CARHSP1: variants seen among roughly 807,000 people sequenced by gnomAD.
The protein encoded by CARHSP1 is calcium-regulated heat-stable protein 1.
CARHSP1 carries 14 observed loss-of-function variants against 12.5 expected under a neutral mutation model. The observed-to-expected ratio is 1.12, with a 90% CI of 0.74 to 1.75. CARHSP1 has a LOEUF of 1.75. Ranked by LOEUF, CARHSP1 falls within the 40% of genes most tolerant of loss-of-function variation. CARHSP1 has a pLI of 0.00. For synonymous variants in CARHSP1, 161 were observed against 82.0 expected, an observed-to-expected ratio of 1.96 and a Z score of -5.20; for missense variants, 343 against 201.6, an observed-to-expected ratio of 1.70 and a Z score of -4.25.
At chr16:8,858,062 A>T (rs2061205670) in intron 3 of CARHSP1, 3 of 405,196 alleles carry the variant, frequency 7.4e-6, no homozygotes, top group Non-Finnish European at 1.4e-5. Flanking sequence ...CACGCCCAGC[A>T]CACACAAAAC....
intron 1 of CARHSP1, chr16:8,860,634 G>A (rs1190836342): frequency 1.5e-5 from 5 of 344,546 alleles, no homozygotes; most frequent in Non-Finnish European, 1.9e-5. Context: ...GGTGATGGGG[G>A]TACGAGATGA....
chr16:8,863,867 C>G (rs2061411387), intron 1 of CARHSP1, among the ~76,000 whole-genome samples: 1 of 152,206 alleles, frequency 6.6e-6, no homozygotes, highest in Admixed American at 6.5e-5. Flanking sequence ...GATGGGGCCA[C>G]ACAGCAGCCC....
intron 3 of CARHSP1, among the ~76,000 whole-genome samples, chr16:8,857,046 C>T (rs947109090): frequency 1.3e-5 from 2 of 152,132 alleles, no homozygotes; most frequent in Admixed American, 6.5e-5. Context: ...CAAAGGAGGG[C>T]AGGAAGCTGG....
intron 1 of CARHSP1, chr16:8,860,289 C>T (rs1456065087): frequency 1.0e-6 from 1 of 983,314 alleles, no homozygotes; most frequent in Non-Finnish European, 1.2e-6. Context: ...AGTGAATTTC[C>T]ACACAGCCCG....
At chr16:8,865,475 A>G (rs916549695) in intron 1 of CARHSP1, among the ~76,000 whole-genome samples, 1 of 152,214 alleles carries the variant, frequency 6.6e-6, no homozygotes, top group Non-Finnish European at 1.5e-5. Context: ...GCAGGGGGAT[A>G]AGAGTTCAAG....
intron 1 of CARHSP1, among the ~76,000 whole-genome samples, chr16:8,866,854 G>A (rs954540114): frequency 6.6e-6 from 1 of 152,132 alleles, no homozygotes. Context: ...GGCAGGGAAG[G>A]TGCAGCCCGG....
At chr16:8,858,798 C>T in intron 2 of CARHSP1, 5 of 420,796 alleles carry the variant, frequency 1.2e-5, no homozygotes, top group Non-Finnish European at 2.1e-5. Context: ...ACTCGCAAGG[C>T]CTGAGACCTG....
intron 1 of CARHSP1, among the ~76,000 whole-genome samples, chr16:8,865,459 T>C (rs1238362910): frequency 1.3e-5 from 2 of 152,194 alleles, no homozygotes; most frequent in East Asian, 1.9e-4. Context: ...GACAGGATGA[T>C]AGAAGGCAGG....
intron 1 of CARHSP1, among the ~76,000 whole-genome samples, chr16:8,859,543 A>AGCTCTTC (rs1331369894): frequency 6.6e-6 from 1 of 151,776 alleles, no homozygotes; most frequent in East Asian, 2.0e-4. Context: ...CCTCGATCAT[A>AGCTCTTC]GCTCTTCATG....
intron 1 of CARHSP1, chr16:8,860,174 C>G (rs1035934244): frequency 3.0e-6 from 3 of 985,358 alleles, no homozygotes; most frequent in South Asian, 4.7e-5. Context: ...ACGTTTGGAT[C>G]CCTGAGCAGC....
rs1233114598 is a variant in CARHSP1 at position 8,853,577 on chromosome 16, T to A, written c.*1587A>T. ...GAGGAGTACCTACCTGATGAAGCTG[T>A]TCATGCTTCCAGCATCAAACTGGAC... On this transcript the variant is annotated 3_prime_UTR_variant, in exon 4 of 4. Coordinates refer to ENST00000311052, the MANE Select transcript of CARHSP1 (RefSeq NM_014316.4). 3 of 152,230 alleles carry A rather than the reference T, an allele frequency of 2.0e-5. No individual in the cohort carries two copies. Among genetic ancestry groups the A allele is most frequent in the Non-Finnish European group, 2.9e-5 (2 of 68,046 alleles). 9.4% of individuals were successfully genotyped at this position (152,230 alleles called of 1,614,324 possible).
Position 8,858,432 on chromosome 16 carries a change from A to G in CARHSP1, c.199T>C (p.Cys67Arg), listed in dbSNP as rs773515360. ...CCCTTGGACCGGCAGAAGCATTTGC[A>G]GACTCCTTTGTAGACGGGGCCCTGT... ...ASQGPVYKGV[C>R]KCFCRSKGHG... The change falls in exon 3 of 4, where the codon TGC (cysteine) becomes CGC (arginine). Residue 67 changes from cysteine (C) to arginine (R), a missense_variant. Cys to Arg is a radical substitution (Grantham distance 180). Transcript: ENST00000311052. 2.5e-6 allele frequency: 4 copies of G among 1,613,958 alleles called. No homozygotes were observed. Among genetic ancestry groups the G allele is most frequent in the Non-Finnish European group, 3.4e-6 (4 of 1,180,026 alleles).
At position 8,853,509 on chromosome 16, in the gene CARHSP1, C is replaced by T. The variant is rs967437827; in HGVS notation, c.*1655G>A. On this transcript the variant is annotated 3_prime_UTR_variant, in exon 4 of 4. Transcript: ENST00000311052. ...GCGTATTTGCTATTCTCAAACAACTCCCTTCCACCCCCTTAGGCTGAAAGG... is the reference window on the plus strand; with the variant it reads ...GCGTATTTGCTATTCTCAAACAACTTCCTTCCACCCCCTTAGGCTGAAAGG... 3 of 152,172 alleles carry T rather than the reference C, an allele frequency of 2.0e-5. No individual in the cohort carries two copies. The highest frequency in any genetic ancestry group is 1.5e-5 in the Non-Finnish European group (1 of 68,040). 9.4% of individuals were successfully genotyped at this position (152,172 alleles called of 1,614,324 possible).
rs1229523025 is a variant in CARHSP1, at chr16:8,854,732, C to T, written c.*432G>A. On this transcript the variant is annotated 3_prime_UTR_variant, in exon 4 of 4. Coordinates refer to ENST00000311052, the MANE Select transcript of CARHSP1 (RefSeq NM_014316.4). The stretch of plus-strand genomic sequence containing the variant: ...AGGTGGAAATTTGCCTTGGAGAAGT[C>T]ACGCAAGGTCCCTGTCAGGCTGCCA... 6.4e-6 allele frequency: 1 copy of T among 155,288 alleles called. No homozygotes were observed. The highest frequency in any genetic ancestry group is 1.4e-5 in the Non-Finnish European group (1 of 69,974). 9.6% of individuals were successfully genotyped at this position (155,288 alleles called of 1,614,324 possible).
chr16:8,866,689 C>CAG (rs1363018540), intron 1 of CARHSP1, among the ~76,000 whole-genome samples: 1 of 129,840 alleles, frequency 7.7e-6, no homozygotes, highest in Non-Finnish European at 1.6e-5. Flanking sequence ...GAGGGAGGAG[C>CAG]AGAGAGAGAG....
chr16:8,855,110 T>G lies in CARHSP1; in HGVS notation c.*54A>C, dbSNP rs773740680. ...AATGTCATCTCCAGTGTCTGCTGCCTCCTCCCTGCAAAGTCTCCCACAAGC... is the reference window on the plus strand; with the variant it reads ...AATGTCATCTCCAGTGTCTGCTGCCGCCTCCCTGCAAAGTCTCCCACAAGC... On this transcript the variant is annotated 3_prime_UTR_variant, in exon 4 of 4. Transcript: ENST00000311052. 31 of 1,414,578 alleles carry G rather than the reference T, an allele frequency of 2.2e-5. No individual in the cohort carries two copies. Among genetic ancestry groups the G allele is most frequent in the Non-Finnish European group, 2.4e-5 (26 of 1,061,262 alleles). 87.6% of individuals were successfully genotyped at this position (1,414,578 alleles called of 1,614,324 possible). A position where few individuals can be genotyped will look rare whatever the true frequency, so the allele number is the denominator to read the frequency against.
rs769556543 is a variant in CARHSP1, at chr16:8,861,753, G to A, written c.-7-2418C>T. 16 of 1,284,148 alleles carry A rather than the reference G, an allele frequency of 1.2e-5. No individual in the cohort carries two copies. The South Asian group carries it at 2.0e-4, about 16-fold the overall frequency. 79.5% of individuals were successfully genotyped at this position (1,284,148 alleles called of 1,614,324 possible). On this transcript the variant is annotated intron_variant, in intron 1 of 3. Transcript: ENST00000311052. ...CCACCTCAAAAAGGCCCCAGCTGCT[G>A]GCCTGGGGGCCAGGGCCCCCGCATG...
At chr16:8,861,083 CAG>C (rs2061338839) in intron 1 of CARHSP1, among the ~76,000 whole-genome samples, 1 of 144,288 alleles carries the variant, frequency 6.9e-6, no homozygotes, top group Non-Finnish European at 1.5e-5. Context: ...TTTTTTGAGA[CAG>C]TGTCTCACTG....
chr16:8,864,096 C>T (rs1035279882), intron 1 of CARHSP1, among the ~76,000 whole-genome samples: 1 of 152,246 alleles, frequency 6.6e-6, no homozygotes, highest in African/African-American at 2.4e-5. Context: ...ACCAAGGTGT[C>T]ATGACTGCCA....
Sources: allele counts gnomAD v4.1 joint callset (sites outside exome capture counted in the v4.1 genomes callset), GRCh38; gene constraint gnomAD v4.1.1; transcripts MANE v1.5; gene names NCBI Gene and HGNC (gene_info 2026-07-23, HGNC 2026-07-21).